Variants in SLC25A30 observed in about 807,000 individuals in gnomAD.
SLC25A30 encodes solute carrier family 25 member 30, also known as kidney mitochondrial carrier protein 1.
Under a neutral mutation model 42.7 loss-of-function variants are expected in SLC25A30, and 29 were observed. That is an observed-to-expected ratio of 0.68 (90% CI 0.51 to 0.93). The LOEUF (loss-of-function observed/expected upper bound fraction) is 0.93, where lower values mean the gene tolerates loss of function less well. Ranked by LOEUF, SLC25A30 falls within the 40% of genes least tolerant of loss-of-function variation. SLC25A30 has a pLI of 0.00. For synonymous variants in SLC25A30, 124 were observed against 131.0 expected (o/e 0.95, Z 0.37); for missense variants, 300 against 359.7 (o/e 0.83, Z 1.34).
chr13:45,417,242 C>T (rs1566216608), intron 1 of SLC25A30, among the ~76,000 whole-genome samples: 1 of 152,152 alleles, frequency 6.6e-6, no homozygotes, highest in Non-Finnish European at 1.5e-5. Flanking sequence ...AACTCCTGAC[C>T]TCAGGTGATC....
At chr13:45,423,178 T>C (rs1883933867), upstream of SLC25A30, among the ~76,000 whole-genome samples, 1 of 152,174 alleles carries the variant, frequency 6.6e-6, no homozygotes, top group East Asian at 1.9e-4. Flanking sequence ...ATTTGAGAGT[T>C]GGCAGGAAGA....
At chr13:45,419,191 C>T (rs373484115), upstream of SLC25A30, among the ~76,000 whole-genome samples, 75 of 147,146 alleles carry the variant, frequency 5.1e-4, no homozygotes, top group East Asian at 0.012. Context: ...TTAAAAGAAC[C>T]GTACTATGAG....
the SLC25A30 span, among the ~76,000 whole-genome samples, chr13:45,425,229 A>G: frequency 9.6e-6 from 1 of 103,660 alleles, no homozygotes; most frequent in Non-Finnish European, 1.7e-5. Context: ...TATGTATATA[A>G]ATATTTATAC....
chr13:45,402,441 C>A, intron 5 of SLC25A30, 71 bp from the exon 6 acceptor site: 1 of 1,215,224 alleles, frequency 8.2e-7, no homozygotes. Context: ...ATGTATACCT[C>A]TGACAGTCAG....
At chr13:45,427,684 T>G in the SLC25A30 span, among the ~76,000 whole-genome samples, 1 of 151,470 alleles carries the variant, frequency 6.6e-6, no homozygotes, top group Admixed American at 6.6e-5. Context: ...TGTGAATTTA[T>G]TTTCAGCGTG....
the SLC25A30 span, among the ~76,000 whole-genome samples, chr13:45,424,033 T>A: frequency 2.8e-4 from 27 of 97,238 alleles, no homozygotes; most frequent in African/African-American, 1.2e-3. Flanking sequence ...AAATATATAT[T>A]TATATAAATA....
upstream of SLC25A30, among the ~76,000 whole-genome samples, chr13:45,418,998 G>A (rs1261965519): frequency 7.4e-5 from 9 of 122,222 alleles, no homozygotes; most frequent in Non-Finnish European, 9.8e-5. Context: ...AGACCTGGTG[G>A]CGGGTGCCTG....
intron 1 of SLC25A30, 186 bp downstream of exon 1, chr13:45,418,114 T>C (rs547184552): frequency 6.5e-6 from 1 of 153,024 alleles, no homozygotes; most frequent in Non-Finnish European, 1.5e-5. Context: ...CTGTCCCCAG[T>C]CCCCGGAACC....
rs1181175392 is a variant in SLC25A30, at chr13:45,394,098, GAA to G, written c.*1874_*1875del. The G allele has an allele frequency of 1.0e-6, 1 of 985,250 alleles. No individual in the cohort carries two copies. The highest frequency in any genetic ancestry group is 1.2e-6 in the Non-Finnish European group (1 of 829,918). 61.0% of individuals were successfully genotyped at this position (985,250 alleles called of 1,614,324 possible). A position where few individuals can be genotyped will look rare whatever the true frequency, so the allele number is the denominator to read the frequency against. ...TAAAATCAATGGAATGTTTTGGAAA[GAA>G]GAAAAAATCCTAAGGTGTAGTTTAG... On this transcript the variant is annotated 3_prime_UTR_variant, in exon 10 of 10. Coordinates refer to ENST00000519676, the MANE Select transcript of SLC25A30 (RefSeq NM_001010875.4).
Position 45,408,948 on chromosome 13 carries a change from C to T in SLC25A30, c.191G>A (p.Gly64Glu), listed in dbSNP as rs1882761902. ...HALVRIGREE[G>E]LKALYSGIAP... is the part of the protein sequence containing the mutation. ...TCACCCCGAGTAGAGTGCTTTCAGC[C>T]CTTCTTCTCTGCCTATCCTCACTAA... is the stretch of plus-strand genomic sequence containing the variant. Residue 64 changes from glycine (G) to glutamate (E), a missense_variant, in exon 3 of 10, where the codon GGG becomes GAG. Gly to Glu is a moderately conservative substitution (Grantham distance 98, BLOSUM62 -2). Transcript: ENST00000519676. 1.2e-6 allele frequency: 2 copies of T among 1,609,538 alleles called. No homozygotes were observed. Among genetic ancestry groups the T allele is most frequent in the Non-Finnish European group, 1.7e-6 (2 of 1,178,396 alleles).
At chr13:45,402,664 T>C (rs1882112686) in intron 5 of SLC25A30, 1 of 639,122 alleles carries the variant, frequency 1.6e-6, no homozygotes, top group Non-Finnish European at 1.9e-6. Flanking sequence ...AAAGTCTTTC[T>C]AGGATAGAAA....
At chr13:45,414,354 A>C (rs1007537343) in intron 1 of SLC25A30, among the ~76,000 whole-genome samples, 7 of 152,144 alleles carry the variant, frequency 4.6e-5, no homozygotes, top group Non-Finnish European at 1.0e-4. Flanking sequence ...GCAGTGGCTC[A>C]TGTCAGTAAT....
chr13:45,425,630 G>A, the SLC25A30 span, among the ~76,000 whole-genome samples: 9,856 of 50,918 alleles, frequency 0.19, 1,680 homozygotes, highest in African/African-American at 0.24. Flanking sequence ...ATATATATAA[G>A]TATATATAAA....
chr13:45,395,092 A>G lies in SLC25A30; in HGVS notation c.*882T>C. On this transcript the variant is annotated 3_prime_UTR_variant, in exon 10 of 10. Coordinates refer to ENST00000519676, the MANE Select transcript of SLC25A30 (RefSeq NM_001010875.4). Reference sequence around the variant, plus strand: ...AGCTGTTCCACAGCATGATGTAAACACATTTACCTTTCCAGTCAAGTAGCA... The same window carrying G: ...AGCTGTTCCACAGCATGATGTAAACGCATTTACCTTTCCAGTCAAGTAGCA... The G allele has an allele frequency of 1.0e-6, 1 of 985,502 alleles. No homozygotes were observed. Among genetic ancestry groups the G allele is most frequent in the Non-Finnish European group, 1.2e-6 (1 of 829,954 alleles). The allele number at this position is 985,502 out of a possible 1,614,324, so 61.0% of individuals were successfully genotyped here.
At chr13:45,428,517 C>CTTTTTT in the SLC25A30 span, among the ~76,000 whole-genome samples, 2 of 92,548 alleles carry the variant, frequency 2.2e-5, no homozygotes, top group African/African-American at 8.5e-5. Context: ...TTCTTTTTAA[C>CTTTTTT]TTTTTTTTTT....
At chr13:45,424,560 TAA>T in the SLC25A30 span, among the ~76,000 whole-genome samples, 1 of 52,696 alleles carries the variant, frequency 1.9e-5, no homozygotes, top group East Asian at 4.1e-4. Context: ...TAAATATATA[TAA>T]ATGTATAAAT....
Position 45,393,841 on chromosome 13 carries a change from T to G in SLC25A30, c.*2133A>C. 1 of 985,384 alleles carries G rather than the reference T, an allele frequency of 1.0e-6. No individual in the cohort carries two copies. Among genetic ancestry groups the G allele is most frequent in the Non-Finnish European group, 1.2e-6 (1 of 829,854 alleles). The allele number at this position is 985,384 out of a possible 1,614,324, so 61.0% of individuals were successfully genotyped here. A position where few individuals can be genotyped will look rare whatever the true frequency, so the allele number is the denominator to read the frequency against. ...TTAAGTTTTACCATGAGGTTTGAAT[T>G]TCTTTCCACCTTGGTAGGAACATGT... On this transcript the variant is annotated 3_prime_UTR_variant, in exon 10 of 10. Coordinates refer to ENST00000519676, the MANE Select transcript of SLC25A30 (RefSeq NM_001010875.4).
At chr13:45,431,950 A>G in the SLC25A30 span, among the ~76,000 whole-genome samples, 2 of 151,878 alleles carry the variant, frequency 1.3e-5, no homozygotes, top group Non-Finnish European at 2.9e-5. Context: ...TATCCACCCC[A>G]TATGTCCTGC....
chr13:45,424,112 TATAA>T, the SLC25A30 span, among the ~76,000 whole-genome samples: 7 of 88,554 alleles, frequency 7.9e-5, no homozygotes, highest in South Asian at 1.9e-3. Context: ...TAAAAATATA[TATAA>T]ATATATATAA....
Sources: allele counts gnomAD v4.1 joint callset (sites outside exome capture counted in the v4.1 genomes callset), GRCh38; gene constraint gnomAD v4.1.1; transcripts MANE v1.5; gene names NCBI Gene and HGNC (gene_info 2026-07-23, HGNC 2026-07-21).